The following CNGB1 variants were observed in gnomAD, a reference collection of about 807,000 sequenced individuals.
CNGB1 encodes the protein cyclic nucleotide-gated channel beta-1.
Under a neutral mutation model 151.7 loss-of-function variants are expected in CNGB1, and 126 were observed. That is an observed-to-expected ratio of 0.83 (90% confidence interval 0.72 to 0.96). The LOEUF is 0.96. Ranked by LOEUF, CNGB1 falls within the 40% of genes least tolerant of loss-of-function variation. CNGB1 has a pLI of 0.00. For synonymous variants in CNGB1, 623 were observed against 635.1 expected (o/e 0.98, Z 0.29); for missense variants, 1,698 against 1,627.0 (o/e 1.04, Z -0.75).
At position 57,940,224 on chromosome 16, in the gene CNGB1, C is replaced by A; in HGVS notation, c.1209+10G>T. On this transcript the variant is annotated intron_variant, in intron 15 of 32. Coordinates refer to ENST00000251102, the MANE Select transcript of CNGB1 (RefSeq NM_001297.5). ...GCCTCAGAGGTGCCAGTGCCTGGTGCTTCTCATACCTGATCTGAAGTGCTC... is the reference window on the plus strand; with the variant it reads ...GCCTCAGAGGTGCCAGTGCCTGGTGATTCTCATACCTGATCTGAAGTGCTC... The A allele has an allele frequency of 6.4e-7, 1 of 1,559,970 alleles. No homozygotes were observed. The highest frequency in any genetic ancestry group is 1.9e-5 in the Admixed American group (1 of 51,506).
chr16:57,962,614 C>A lies in CNGB1; in HGVS notation c.413-4G>T, dbSNP rs779762971. 1.2e-6 allele frequency: 2 copies of A among 1,613,748 alleles called. No individual in the cohort carries two copies. Among genetic ancestry groups the A allele is most frequent in the African/African-American group, 2.7e-5 (2 of 74,928 alleles). On this transcript the variant is annotated splice_polypyrimidine_tract_variant and splice_region_variant and intron_variant, in intron 6 of 32. Coordinates refer to ENST00000251102, the MANE Select transcript of CNGB1 (RefSeq NM_001297.5). ...TCATTGGGTTCATCTGTGCACCCTGCAGGGTCAGAAAATACAGAAAGGCAG... is the reference window on the plus strand; with the variant it reads ...TCATTGGGTTCATCTGTGCACCCTGAAGGGTCAGAAAATACAGAAAGGCAG...
chr16:57,922,585 C>A (rs185598003), intron 18 of CNGB1, among the ~76,000 whole-genome samples: 2 of 152,050 alleles, frequency 1.3e-5, no homozygotes, highest in African/African-American at 4.8e-5. Context: ...TGTGCCACCA[C>A]GCCCGGCTAA....
intron 20 of CNGB1, among the ~76,000 whole-genome samples, 174 bp downstream of exon 20, chr16:57,918,925 G>A (rs1466356890): frequency 6.6e-6 from 1 of 152,104 alleles, no homozygotes; most frequent in African/African-American, 2.4e-5. Flanking sequence ...GGTTTGTTTT[G>A]AGAATCAGGC....
chr16:57,909,546 G>A (rs920143411), intron 25 of CNGB1, among the ~76,000 whole-genome samples: 4 of 152,086 alleles, frequency 2.6e-5, no homozygotes, highest in East Asian at 3.9e-4. Context: ...GCATCACCAC[G>A]CCTGGCTAAT....
At chr16:57,949,966 C>T (rs562655198) in intron 13 of CNGB1, among the ~76,000 whole-genome samples, 9 of 152,268 alleles carry the variant, frequency 5.9e-5, no homozygotes, top group Middle Eastern at 3.4e-3. Context: ...TTGGAACCAA[C>T]CTAAATGTCC....
At chr16:57,941,913 A>G (rs1401991340) in intron 14 of CNGB1, among the ~76,000 whole-genome samples, 1 of 152,018 alleles carries the variant, frequency 6.6e-6, no homozygotes, top group African/African-American at 2.4e-5. Context: ...GTACAATGGC[A>G]TGATCATGGC....
intron 13 of CNGB1, among the ~76,000 whole-genome samples, chr16:57,949,992 G>C (rs1262116239): frequency 6.6e-6 from 1 of 152,142 alleles, no homozygotes; most frequent in Non-Finnish European, 1.5e-5. Flanking sequence ...TAGTGAAGAG[G>C]TTTAATAAAT....
rs199591689 is a variant in CNGB1, at chr16:57,967,114, G to T, written c.159+14C>A. ...GCGAGGCCGGCCTGCCCCTCCTCCC[G>T]CTCTACCTCTCACCATGGACTCGGA... is the stretch of plus-strand genomic sequence containing the variant. On this transcript the variant is annotated intron_variant, in intron 2 of 32. Coordinates refer to ENST00000251102, the MANE Select transcript of CNGB1 (RefSeq NM_001297.5). The T allele has an allele frequency of 1.7e-5, 28 of 1,613,854 alleles. No homozygotes were observed. Among genetic ancestry groups the T allele is most frequent in the Admixed American group, 1.0e-4 (6 of 59,984 alleles).
chr16:57,890,351 G>A (rs1415949461), intron 31 of CNGB1, among the ~76,000 whole-genome samples: 7 of 152,184 alleles, frequency 4.6e-5, no homozygotes, highest in African/African-American at 1.7e-4. Context: ...CCTCTGACAC[G>A]CGCCAGCTCG....
chr16:57,919,034 A>C (rs1396128121), intron 20 of CNGB1, 65 bp downstream of exon 20: 16 of 1,611,432 alleles, frequency 9.9e-6, no homozygotes, highest in Non-Finnish European at 1.2e-5. Context: ...CCCTCTCCCC[A>C]TCCCGCTCCA....
intron 18 of CNGB1, 135 bp from the exon 19 acceptor site, chr16:57,920,679 C>T: frequency 1.9e-6 from 2 of 1,032,648 alleles, no homozygotes; most frequent in Admixed American, 2.1e-5. Context: ...CCATCTCCTT[C>T]TGACATCAGA....
intron 12 of CNGB1, among the ~76,000 whole-genome samples, chr16:57,952,650 A>T (rs1961982323): frequency 6.6e-6 from 1 of 151,394 alleles, no homozygotes; most frequent in South Asian, 2.1e-4. Flanking sequence ...ACAGGCATGC[A>T]CCACCACACC....
chr16:57,942,846 G>C (rs1961703947), intron 14 of CNGB1, among the ~76,000 whole-genome samples: 1 of 146,578 alleles, frequency 6.8e-6, no homozygotes, highest in South Asian at 2.1e-4. Context: ...CTGGGCAACA[G>C]AGCAAGACCC....
chr16:57,898,648 TCAA>T (rs1960299802), intron 29 of CNGB1, among the ~76,000 whole-genome samples: 1 of 152,216 alleles, frequency 6.6e-6, no homozygotes, highest in Admixed American at 6.5e-5. Context: ...ACTCCTGGCC[TCAA>T]GTGATCTGCC....
chr16:57,942,811 C>T (rs1251632422), intron 14 of CNGB1, among the ~76,000 whole-genome samples: 1 of 150,596 alleles, frequency 6.6e-6, no homozygotes, highest in African/African-American at 2.4e-5. Flanking sequence ...TGCAGTGAGC[C>T]GTGATTGCAC....
Position 57,888,008 on chromosome 16 carries a change from C to T in CNGB1, c.3309G>A (p.Ala1103=), listed in dbSNP as rs201319323. ...EKSVLILPPR[A]GTPKLFNAAL... ...CAGCGTTGAAGAGCTTTGGGGTGCC[C>T]GCCCGGGGTGGAAGGATCAGCACGC... Residue 1103 remains alanine, a synonymous_variant, in exon 32 of 33, where the codon GCG becomes GCA. Transcript: ENST00000251102. The T allele has an allele frequency of 5.0e-4, 809 of 1,614,166 alleles. 17 individuals carry two copies. The South Asian group carries it at 8.3e-3, about 17-fold the overall frequency.
chr16:57,937,991 C>A (rs1392433585), intron 16 of CNGB1, among the ~76,000 whole-genome samples: 2 of 152,218 alleles, frequency 1.3e-5, no homozygotes, highest in Admixed American at 1.3e-4. Context: ...AATGTGCAGA[C>A]AAATCACCAG....
At chr16:57,953,794 T>G (rs1345732352) in intron 12 of CNGB1, among the ~76,000 whole-genome samples, 1 of 151,886 alleles carries the variant, frequency 6.6e-6, no homozygotes, top group Non-Finnish European at 1.5e-5. Context: ...CTCTACCCCG[T>G]CATCAGAATC....
At position 57,940,222 on chromosome 16, in the gene CNGB1, T is replaced by A. The variant is rs1961629366; in HGVS notation, c.1209+12A>T. The A allele has an allele frequency of 6.4e-7, 1 of 1,559,252 alleles. No individual in the cohort carries two copies. The highest frequency in any genetic ancestry group is 2.4e-5 in the East Asian group (1 of 42,188). ...AGGCCTCAGAGGTGCCAGTGCCTGG[T>A]GCTTCTCATACCTGATCTGAAGTGC... On this transcript the variant is annotated intron_variant, in intron 15 of 32. Coordinates refer to ENST00000251102, the MANE Select transcript of CNGB1 (RefSeq NM_001297.5).
Sources: allele counts gnomAD v4.1 joint callset (sites outside exome capture counted in the v4.1 genomes callset), GRCh38; gene constraint gnomAD v4.1.1; transcripts MANE v1.5; gene names NCBI Gene and HGNC (gene_info 2026-07-23, HGNC 2026-07-21).